OSBPL6: variants seen among roughly 807,000 people sequenced by gnomAD.
The protein encoded by OSBPL6 is oxysterol-binding protein-related protein 6.
A neutral mutation model predicts 125.8 loss-of-function variants in OSBPL6; 49 were observed. The ratio of observed to expected loss-of-function variants is 0.39; its 90% CI spans 0.31 to 0.49. The LOEUF (loss-of-function observed/expected upper bound fraction) is 0.49, where lower values mean the gene tolerates loss of function less well. OSBPL6 is among the 20% of genes least tolerant of loss of function. The pLI is 0.88. For synonymous variants in OSBPL6, 394 were observed against 391.8 expected, an observed-to-expected ratio of 1.01 and a Z score of -0.07; for missense variants, 986 against 1,135.4, an observed-to-expected ratio of 0.87 and a Z score of 1.89.
At chr2:178,341,496 C>A (rs1371797195) in intron 11 of OSBPL6, among the ~76,000 whole-genome samples, 1 of 152,094 alleles carries the variant, frequency 6.6e-6, no homozygotes, top group Non-Finnish European at 1.5e-5. Context: ...ATACTTCCGC[C>A]ACATCTTTGG....
intron 20 of OSBPL6, 30 bp downstream of exon 20, chr2:178,387,169 C>G: frequency 6.6e-7 from 1 of 1,515,860 alleles, no homozygotes; most frequent in Non-Finnish European, 9.1e-7. Flanking sequence ...CTTTTGGCCT[C>G]TTGTCTGCTT....
At chr2:178,369,892 ACT>A (rs113940534) in intron 13 of OSBPL6, among the ~76,000 whole-genome samples, 18 of 152,246 alleles carry the variant, frequency 1.2e-4, no homozygotes, top group African/African-American at 4.1e-4. Flanking sequence ...TTTTGTTAAC[ACT>A]CTCACAGTGG....
At chr2:178,359,853 T>C (rs1692163433) in intron 12 of OSBPL6, among the ~76,000 whole-genome samples, 1 of 152,204 alleles carries the variant, frequency 6.6e-6, no homozygotes. Flanking sequence ...TTTGGGAGGC[T>C]GCAGTGAGCA....
At chr2:178,395,353 C>A in intron 24 of OSBPL6, 98 bp from the exon 25 acceptor site, 1 of 766,178 alleles carries the variant, frequency 1.3e-6, no homozygotes, top group Non-Finnish European at 2.1e-6. Context: ...GGCTTACAAA[C>A]ACTGCTTATA....
At chr2:178,333,480 A>T (rs1350090992) in intron 8 of OSBPL6, among the ~76,000 whole-genome samples, 1 of 152,230 alleles carries the variant, frequency 6.6e-6, no homozygotes, top group African/African-American at 2.4e-5. Flanking sequence ...TTTGCTTTGT[A>T]AACTAACACT....
intron 2 of OSBPL6, among the ~76,000 whole-genome samples, chr2:178,299,256 G>T (rs1190244970): frequency 6.6e-6 from 1 of 152,072 alleles, no homozygotes; most frequent in Admixed American, 6.6e-5. Context: ...GTCTTTTCAT[G>T]GCCTTGATAG....
intron 3 of OSBPL6, among the ~76,000 whole-genome samples, chr2:178,320,046 A>G (rs1688099054): frequency 6.6e-6 from 1 of 152,216 alleles, no homozygotes; most frequent in South Asian, 2.1e-4. Flanking sequence ...CAATGTCTTT[A>G]TATCTTTGTA....
At chr2:178,195,636 G>A (rs956695147) in intron 1 of OSBPL6, among the ~76,000 whole-genome samples, 9 of 152,218 alleles carry the variant, frequency 5.9e-5, no homozygotes, top group Non-Finnish European at 1.3e-4. Context: ...GCTAGGGGAA[G>A]CATTACATAA....
At chr2:178,294,796 G>A (rs770062491) in intron 2 of OSBPL6, among the ~76,000 whole-genome samples, 77 of 145,356 alleles carry the variant, frequency 5.3e-4, no homozygotes, top group Non-Finnish European at 9.3e-4. Context: ...CGTACAACAT[G>A]TTTTGAAATA....
chr2:178,345,809 G>T (rs748917779), intron 11 of OSBPL6, among the ~76,000 whole-genome samples: 1 of 152,182 alleles, frequency 6.6e-6, no homozygotes, highest in Non-Finnish European at 1.5e-5. Context: ...AAGTGATTCT[G>T]TCTCTTCTGT....
chr2:178,319,778 G>A (rs1688075865), intron 3 of OSBPL6, among the ~76,000 whole-genome samples: 1 of 152,204 alleles, frequency 6.6e-6, no homozygotes, highest in South Asian at 2.1e-4. Context: ...GCTATAACTA[G>A]AAGAGATACA....
intron 19 of OSBPL6, among the ~76,000 whole-genome samples, chr2:178,386,328 C>T (rs1694932564): frequency 6.6e-6 from 1 of 152,164 alleles, no homozygotes; most frequent in Non-Finnish European, 1.5e-5. Context: ...ATCACAAATG[C>T]ACAAATAAAT....
At chr2:178,374,110 G>A in intron 15 of OSBPL6, 83 bp downstream of exon 15, 1 of 1,475,072 alleles carries the variant, frequency 6.8e-7, no homozygotes, top group Non-Finnish European at 9.2e-7. Context: ...GGAACTTTTT[G>A]GTGATTACTT....
At chr2:178,361,104 A>C (rs1385572123) in intron 12 of OSBPL6, among the ~76,000 whole-genome samples, 5 of 152,204 alleles carry the variant, frequency 3.3e-5, no homozygotes, top group African/African-American at 1.2e-4. Flanking sequence ...GCACTTTAAC[A>C]ACAAGATATT....
chr2:178,203,242 CTG>C (rs2089351254), intron 1 of OSBPL6, among the ~76,000 whole-genome samples: 1 of 152,138 alleles, frequency 6.6e-6, no homozygotes, highest in South Asian at 2.1e-4. Context: ...TGAGGTAAGA[CTG>C]TGTTGCCCAG....
chr2:178,343,760 A>T (rs533664548), intron 11 of OSBPL6, among the ~76,000 whole-genome samples: 136 of 152,292 alleles, frequency 8.9e-4, no homozygotes, highest in African/African-American at 2.8e-3. Flanking sequence ...ATAGGAGATT[A>T]AGTAGGAAGT....
At chr2:178,271,620 C>A (rs2092376635) in intron 1 of OSBPL6, among the ~76,000 whole-genome samples, 1 of 152,168 alleles carries the variant, frequency 6.6e-6, no homozygotes, top group South Asian at 2.1e-4. Flanking sequence ...TAATTTATGG[C>A]AGTGCTACTA....
At chr2:178,370,813 C>T (rs994148283) in intron 13 of OSBPL6, among the ~76,000 whole-genome samples, 1 of 152,154 alleles carries the variant, frequency 6.6e-6, no homozygotes, top group African/African-American at 2.4e-5. Flanking sequence ...CTAACAGCTT[C>T]AAACAAAATC....
chr2:178,224,672 A>G (rs1370377304), intron 1 of OSBPL6, among the ~76,000 whole-genome samples: 1 of 152,174 alleles, frequency 6.6e-6, no homozygotes, highest in African/African-American at 2.4e-5. Context: ...TGGTGGCTTA[A>G]CCCTGTAATC....
Sources: allele counts gnomAD v4.1 joint callset (sites outside exome capture counted in the v4.1 genomes callset), GRCh38; gene constraint gnomAD v4.1.1; transcripts MANE v1.5; gene names NCBI Gene and HGNC (gene_info 2026-07-23, HGNC 2026-07-21).